CSMD3: variants seen among roughly 807,000 people sequenced by gnomAD.
The protein encoded by CSMD3 is CUB and Sushi multiple domains 3, also known as CUB and sushi domain-containing protein 3.
Under a neutral mutation model 435.2 loss-of-function variants are expected in CSMD3, and 177 were observed. That is an observed-to-expected ratio of 0.41 (90% CI 0.36 to 0.46). CSMD3 has a LOEUF of 0.46. Ranked by LOEUF, CSMD3 falls within the 20% of genes least tolerant of loss-of-function variation. The pLI is 0.34. For synonymous variants in CSMD3, 1,656 were observed against 1,520.5 expected (o/e 1.09, Z -2.07); for missense variants, 4,265 against 4,504.6 (o/e 0.95, Z 1.52).
chr8:112,452,577 A>G (rs1387233022), intron 32 of CSMD3, among the ~76,000 whole-genome samples: 1 of 152,210 alleles, frequency 6.6e-6, no homozygotes, highest in African/African-American at 2.4e-5. Context: ...AAGATGTAGA[A>G]GTACCTACCT....
At chr8:112,447,365 TG>T (rs1167914033) in intron 32 of CSMD3, among the ~76,000 whole-genome samples, 1 of 152,230 alleles carries the variant, frequency 6.6e-6, no homozygotes, top group Non-Finnish European at 1.5e-5. Context: ...TGGCCTATTT[TG>T]CTTTATCTAT....
chr8:112,606,049 T>C (rs892530982), intron 22 of CSMD3, among the ~76,000 whole-genome samples: 5 of 152,158 alleles, frequency 3.3e-5, no homozygotes, highest in African/African-American at 1.2e-4. Context: ...CAGCCTCAAC[T>C]TAAACAAGTA....
intron 1 of CSMD3, among the ~76,000 whole-genome samples, chr8:113,340,194 T>C (rs187225948): frequency 6.6e-6 from 1 of 152,180 alleles, no homozygotes; most frequent in East Asian, 1.9e-4. Context: ...ACTTGTAAGT[T>C]TTGTATTCTC....
chr8:112,295,561 A>G (rs1200555022), intron 54 of CSMD3, among the ~76,000 whole-genome samples: 1 of 151,786 alleles, frequency 6.6e-6, no homozygotes. Flanking sequence ...TGTCTTCCAT[A>G]TAAGAATATT....
chr8:113,257,485 G>A (rs1029447918), intron 3 of CSMD3, among the ~76,000 whole-genome samples: 2 of 152,100 alleles, frequency 1.3e-5, no homozygotes, highest in African/African-American at 4.8e-5. Context: ...GTTTCCTCAA[G>A]AGTGGCAAAC....
chr8:112,574,718 C>T (rs2131306417), intron 23 of CSMD3, among the ~76,000 whole-genome samples: 1 of 151,912 alleles, frequency 6.6e-6, no homozygotes, highest in Non-Finnish European at 1.5e-5. Flanking sequence ...TTGTGGTTTC[C>T]CAAAGATCAA....
intron 13 of CSMD3, among the ~76,000 whole-genome samples, chr8:112,753,678 G>C (rs2077625162): frequency 6.6e-6 from 1 of 152,162 alleles, no homozygotes; most frequent in Non-Finnish European, 1.5e-5. Context: ...AATCTATATA[G>C]AGTGTGAGCA....
intron 4 of CSMD3, among the ~76,000 whole-genome samples, chr8:113,135,043 T>G (rs913317380): frequency 6.6e-6 from 1 of 152,054 alleles, no homozygotes; most frequent in Non-Finnish European, 1.5e-5. Context: ...TCTTAATGAT[T>G]TAATCACCTC....
chr8:112,295,474 T>C (rs962966104), intron 54 of CSMD3, among the ~76,000 whole-genome samples: 22 of 152,056 alleles, frequency 1.4e-4, no homozygotes, highest in Admixed American at 6.5e-4. Flanking sequence ...TAATATCACA[T>C]AGTAACAAAC....
At chr8:112,423,632 A>G (rs1252218201) in intron 32 of CSMD3, among the ~76,000 whole-genome samples, 1 of 152,070 alleles carries the variant, frequency 6.6e-6, no homozygotes, top group Non-Finnish European at 1.5e-5. Context: ...TTTTGTAGAG[A>G]CAGAGTTTCA....
At chr8:112,629,569 T>C (rs1210382474) in intron 22 of CSMD3, among the ~76,000 whole-genome samples, 5 of 152,176 alleles carry the variant, frequency 3.3e-5, no homozygotes, top group Admixed American at 6.5e-5. Flanking sequence ...TCAAGTGGCA[T>C]GTAACATCTT....
rs559516196 is a variant in CSMD3, at chr8:113,243,616, GAATA to G, written c.514+34972_514+34975del. On this transcript the variant is annotated intron_variant, in intron 3 of 70. Transcript: ENST00000297405. ...TTGTATCCCTGTTTTCAATTTATTT[GAATA>G]TATACCTATGACTAGAATTGCTAGA... Among the ~76,000 whole-genome samples the G allele has an allele frequency of 1.3e-3, 202 of 152,092 alleles. 3 individuals are homozygous for G. The highest frequency in any genetic ancestry group is 4.7e-3 in the African/African-American group (194 of 41,496).
intron 3 of CSMD3, among the ~76,000 whole-genome samples, chr8:113,254,247 C>G (rs894842182): frequency 1.3e-5 from 2 of 152,166 alleles, no homozygotes; most frequent in Non-Finnish European, 2.9e-5. Context: ...TGAAAATCAG[C>G]TGTGAAATCA....
At chr8:112,270,455 A>T (rs1398466097) in intron 59 of CSMD3, among the ~76,000 whole-genome samples, 2 of 151,468 alleles carry the variant, frequency 1.3e-5, no homozygotes, top group Non-Finnish European at 2.9e-5. Flanking sequence ...CCAGTGGGAA[A>T]TTCTCAAAGG....
intron 32 of CSMD3, among the ~76,000 whole-genome samples, chr8:112,437,573 A>ATGTG (rs971397759): frequency 6.6e-6 from 1 of 151,928 alleles, no homozygotes; most frequent in African/African-American, 2.4e-5. Context: ...CCATATATAT[A>ATGTG]TGTGTGTGTG....
chr8:112,225,221 A>G (rs980452513), intron 70 of CSMD3, among the ~76,000 whole-genome samples: 2 of 152,144 alleles, frequency 1.3e-5, no homozygotes, highest in Admixed American at 6.6e-5. Flanking sequence ...AGAAATTATT[A>G]TGACTTATCA....
chr8:113,175,639 A>AT (rs2092336786), intron 3 of CSMD3, among the ~76,000 whole-genome samples: 1 of 151,992 alleles, frequency 6.6e-6, no homozygotes, highest in Non-Finnish European at 1.5e-5. Context: ...GAAATACTTA[A>AT]TTTTTTGGAA....
chr8:112,521,641 T>C (rs1824293502), intron 27 of CSMD3, among the ~76,000 whole-genome samples: 1 of 151,910 alleles, frequency 6.6e-6, no homozygotes, highest in Non-Finnish European at 1.5e-5. Flanking sequence ...AGTTTAAGTA[T>C]TATTTTTAGC....
chr8:113,422,326 G>A (rs1430412506), intron 1 of CSMD3, among the ~76,000 whole-genome samples: 7 of 152,250 alleles, frequency 4.6e-5, no homozygotes, highest in East Asian at 1.9e-4. Flanking sequence ...TAAATTTGGG[G>A]TTTAAAAAGT....
Sources: allele counts gnomAD v4.1 joint callset (sites outside exome capture counted in the v4.1 genomes callset), GRCh38; gene constraint gnomAD v4.1.1; transcripts MANE v1.5; gene names NCBI Gene and HGNC (gene_info 2026-07-23, HGNC 2026-07-21).